AP3B1: variants seen among roughly 807,000 people sequenced by gnomAD.
AP3B1 encodes the protein AP-3 complex subunit beta-1.
Under a neutral mutation model 132.5 loss-of-function variants are expected in AP3B1, and 61 were observed. That is an observed-to-expected ratio of 0.46 (90% confidence interval 0.37 to 0.57). The LOEUF (loss-of-function observed/expected upper bound fraction) is 0.57. AP3B1 is among the 20% of genes least tolerant of loss of function. The probability of loss-of-function intolerance (pLI) is 0.00; values close to 1 mark genes in which losing one functional copy is unlikely to be tolerated. For synonymous variants in AP3B1, 388 were observed against 438.3 expected (o/e 0.89, Z 1.43); for missense variants, 1,120 against 1,289.4 (o/e 0.87, Z 2.01).
At chr5:78,146,565 TTTTA>T (rs1753406242) in intron 14 of AP3B1, among the ~76,000 whole-genome samples, 1 of 152,204 alleles carries the variant, frequency 6.6e-6, no homozygotes, top group South Asian at 2.1e-4. Context: ...GGGAATTTTG[TTTTA>T]TTTTCTTTCC....
intron 6 of AP3B1, among the ~76,000 whole-genome samples, chr5:78,217,419 T>C (rs1159524443): frequency 6.6e-6 from 1 of 152,158 alleles, no homozygotes; most frequent in African/African-American, 2.4e-5. Context: ...CCTAACCATG[T>C]ACTGGTGCCT....
At chr5:78,051,608 T>C (rs1333204172) in intron 22 of AP3B1, among the ~76,000 whole-genome samples, 1 of 152,174 alleles carries the variant, frequency 6.6e-6, no homozygotes, top group African/African-American at 2.4e-5. Context: ...CACGTAAAGC[T>C]TTATGAAAAC....
chr5:78,194,051 G>A (rs1580469941), intron 7 of AP3B1, among the ~76,000 whole-genome samples: 1 of 152,162 alleles, frequency 6.6e-6, no homozygotes, highest in East Asian at 1.9e-4. Context: ...ACAGGCGTGA[G>A]CCACCACTCC....
intron 7 of AP3B1, among the ~76,000 whole-genome samples, chr5:78,212,884 T>TTTTA (rs1270390874): frequency 6.6e-5 from 10 of 152,136 alleles, no homozygotes; most frequent in South Asian, 2.1e-4. Flanking sequence ...CTTCTTTTAT[T>TTTTA]TTTATTTATT....
chr5:78,232,320 A>G (rs1053751182), intron 3 of AP3B1, among the ~76,000 whole-genome samples: 1 of 152,212 alleles, frequency 6.6e-6, no homozygotes, highest in Non-Finnish European at 1.5e-5. Context: ...AGAACAATAA[A>G]AAGGCACCTG....
At chr5:78,278,877 G>A (rs111497279) in intron 1 of AP3B1, among the ~76,000 whole-genome samples, 15 of 152,098 alleles carry the variant, frequency 9.9e-5, no homozygotes, top group African/African-American at 3.1e-4. Flanking sequence ...TAGGCTGCAC[G>A]CTCCTTATGA....
chr5:78,266,000 T>C (rs893389600), intron 2 of AP3B1, among the ~76,000 whole-genome samples: 3 of 152,236 alleles, frequency 2.0e-5, no homozygotes, highest in Non-Finnish European at 4.4e-5. Flanking sequence ...ACATGCTTTG[T>C]TGTCTGTGCA....
intron 17 of AP3B1, among the ~76,000 whole-genome samples, chr5:78,122,798 T>A (rs1335045798): frequency 6.6e-6 from 1 of 152,108 alleles, no homozygotes; most frequent in Admixed American, 6.5e-5. Flanking sequence ...TTCAATGCCA[T>A]CCCCATCAAG....
chr5:78,206,366 T>C (rs1745505460), intron 7 of AP3B1, among the ~76,000 whole-genome samples: 1 of 152,204 alleles, frequency 6.6e-6, no homozygotes, highest in Non-Finnish European at 1.5e-5. Flanking sequence ...TTTAATCTAA[T>C]ATTTATACCA....
At position 78,156,243 on chromosome 5, in the gene AP3B1, T is replaced by G. The variant is rs1743143230; in HGVS notation, c.1473+15A>C. 1.3e-6 allele frequency: 2 copies of G among 1,562,288 alleles called. No homozygotes were observed. Among genetic ancestry groups the G allele is most frequent in the African/African-American group, 2.7e-5 (2 of 73,784 alleles). ...CTGAATAAAATTCAGCAAACATCTCTTAATTGATACTCACAGTGATACTGT... is the reference window on the plus strand; with the variant it reads ...CTGAATAAAATTCAGCAAACATCTCGTAATTGATACTCACAGTGATACTGT... On this transcript the variant is annotated intron_variant, in intron 14 of 26. Transcript: ENST00000255194.
chr5:78,203,384 C>A (rs540420258), intron 7 of AP3B1, among the ~76,000 whole-genome samples: 1 of 152,164 alleles, frequency 6.6e-6, no homozygotes, highest in East Asian at 1.9e-4. Flanking sequence ...AGGGGAAAGC[C>A]CCTTATAAAA....
intron 22 of AP3B1, among the ~76,000 whole-genome samples, chr5:78,045,148 A>G (rs1748269742): frequency 6.6e-6 from 1 of 152,226 alleles, no homozygotes; most frequent in Non-Finnish European, 1.5e-5. Flanking sequence ...TGGGAGGCCA[A>G]GATGGGTGGA....
At position 78,097,684 on chromosome 5, in the gene AP3B1, G is replaced by A. The variant is rs571357974; in HGVS notation, c.2470+3269C>T. On this transcript the variant is annotated intron_variant, in intron 21 of 26. Coordinates refer to ENST00000255194, the MANE Select transcript of AP3B1 (RefSeq NM_003664.5). ...GGGTCAGCCCCCCGCCCGGCCAGCC[G>A]CCTCGTCCAGGAGGTGAGGGGCGCC... 2.9e-3 allele frequency among the ~76,000 whole-genome samples: 433 copies of A among 150,914 alleles called. 4 individuals are homozygous for A. The highest frequency in any genetic ancestry group is 1.0e-2 in the African/African-American group (409 of 41,066).
chr5:78,082,475 A>T (rs1750056826), intron 22 of AP3B1, among the ~76,000 whole-genome samples: 1 of 152,214 alleles, frequency 6.6e-6, no homozygotes, highest in Non-Finnish European at 1.5e-5. Context: ...CATTTTCGGG[A>T]TCATTATTTC....
chr5:78,284,302 G>C (rs531809222), intron 1 of AP3B1, among the ~76,000 whole-genome samples: 3 of 152,306 alleles, frequency 2.0e-5, no homozygotes, highest in South Asian at 2.1e-4. Context: ...GGTATGTGTG[G>C]AAAGTCCTCA....
intron 14 of AP3B1, among the ~76,000 whole-genome samples, chr5:78,145,024 A>G (rs1044480440): frequency 6.6e-6 from 1 of 151,972 alleles, no homozygotes; most frequent in African/African-American, 2.4e-5. Flanking sequence ...TTCTAGAAGA[A>G]CTCCAAAACC....
At chr5:78,157,885 G>GCAGGA (rs1743218807) in intron 13 of AP3B1, among the ~76,000 whole-genome samples, 1 of 151,984 alleles carries the variant, frequency 6.6e-6, no homozygotes, top group East Asian at 1.9e-4. Flanking sequence ...GAGTAGCTGG[G>GCAGGA]ATTTACAGGC....
chr5:78,123,402 G>T (rs1398220756), intron 17 of AP3B1, among the ~76,000 whole-genome samples: 1 of 152,124 alleles, frequency 6.6e-6, no homozygotes, highest in East Asian at 1.9e-4. Flanking sequence ...CCATCAGAGT[G>T]AACAGGCAAT....
rs574546685 is a variant in AP3B1, at chr5:78,239,144, C to CA, written c.279+1717dup. ...TAATAGGAGTACTTTTAAAAATAAG[C>CA]AAAAAATACTAAATTAAGGGGAAAA... is the stretch of plus-strand genomic sequence containing the variant. On this transcript the variant is annotated intron_variant, in intron 3 of 26. Coordinates refer to ENST00000255194, the MANE Select transcript of AP3B1 (RefSeq NM_003664.5). Among the ~76,000 whole-genome samples the CA allele has an allele frequency of 5.9e-5, 9 of 151,634 alleles. 1 individual carries two copies. The South Asian group carries it at 1.7e-3, about 28-fold the overall frequency.
Sources: gnomAD v4.1 joint callset for allele counts (sites outside exome capture counted in the v4.1 genomes callset) on GRCh38, gnomAD v4.1.1 for gene constraint, MANE v1.5 for transcripts, NCBI Gene and HGNC (gene_info 2026-07-23, HGNC 2026-07-21) for gene names.